The following CAMK4 variants were observed in gnomAD, a reference collection of about 807,000 sequenced individuals.
CAMK4 encodes the protein calcium/calmodulin dependent protein kinase IV, also known as calcium/calmodulin-dependent protein kinase type IV.
Under a neutral mutation model 44.9 loss-of-function variants are expected in CAMK4, and 22 were observed. That is an observed-to-expected ratio of 0.49 (90% CI 0.35 to 0.70). The LOEUF (loss-of-function observed/expected upper bound fraction) is 0.70. CAMK4 is among the 30% of genes least tolerant of loss of function. The probability of loss-of-function intolerance (pLI) is 0.01; values close to 1 mark genes in which losing one functional copy is unlikely to be tolerated. For missense variants in CAMK4, 498 were observed against 586.8 expected, an observed-to-expected ratio of 0.85 and a Z score of 1.56; for synonymous variants, 218 against 215.4, an observed-to-expected ratio of 1.01 and a Z score of -0.11.
intron 1 of CAMK4, among the ~76,000 whole-genome samples, chr5:111,275,842 C>G (rs1038129293): frequency 1.3e-5 from 2 of 151,982 alleles, no homozygotes; most frequent in Non-Finnish European, 2.9e-5. Flanking sequence ...ATTACCCTGA[C>G]TTCATCATTA....
chr5:111,401,522 C>CT (rs1752226369), intron 5 of CAMK4, among the ~76,000 whole-genome samples: 1 of 62,428 alleles, frequency 1.6e-5, no homozygotes. Flanking sequence ...AATATGGTAT[C>CT]TGAGCATCAA....
chr5:111,224,373 G>A (rs1016907284), upstream of CAMK4: 7 of 1,372,820 alleles, frequency 5.1e-6, no homozygotes, highest in African/African-American at 7.7e-5. The surrounding 1 kb of genome is among the most constrained non-coding windows in gnomAD (Gnocchi z 5.7). Context: ...CGCGCGTGAA[G>A]GACGCCGCCT....
intron 5 of CAMK4, among the ~76,000 whole-genome samples, chr5:111,425,417 A>C (rs974957142): frequency 2.0e-5 from 3 of 152,228 alleles, no homozygotes; most frequent in African/African-American, 7.2e-5. Flanking sequence ...ACTTCCAGGC[A>C]TAGCAGCTTC....
At chr5:111,264,595 T>C (rs1371151795) in intron 1 of CAMK4, among the ~76,000 whole-genome samples, 1 of 152,174 alleles carries the variant, frequency 6.6e-6, no homozygotes, top group Non-Finnish European at 1.5e-5. Flanking sequence ...AAGTCATTGA[T>C]GTGATTCAGT....
At chr5:111,341,099 T>G (rs768706021) in intron 1 of CAMK4, among the ~76,000 whole-genome samples, 10 of 151,210 alleles carry the variant, frequency 6.6e-5, no homozygotes, top group Admixed American at 1.3e-4. Context: ...TATTTTCTTA[T>G]CAAGTTTTGA....
chr5:111,387,138 C>G (rs1055837345), intron 4 of CAMK4, among the ~76,000 whole-genome samples: 5 of 152,144 alleles, frequency 3.3e-5, no homozygotes, highest in Admixed American at 3.3e-4. Flanking sequence ...AGAAATACAG[C>G]AATAACTATG....
intron 5 of CAMK4, among the ~76,000 whole-genome samples, chr5:111,395,452 T>A (rs1265625746): frequency 2.1e-5 from 3 of 140,084 alleles, no homozygotes; most frequent in Non-Finnish European, 4.7e-5. Context: ...TGTTCATTGC[T>A]TTTTTTTTTT....
At chr5:111,432,951 A>G (rs1753510512) in intron 5 of CAMK4, among the ~76,000 whole-genome samples, 1 of 152,144 alleles carries the variant, frequency 6.6e-6, no homozygotes, top group African/African-American at 2.4e-5. Context: ...GTGTATTTTT[A>G]CTTTGATAGG....
chr5:111,351,991 T>G (rs945067728), intron 2 of CAMK4, among the ~76,000 whole-genome samples: 1 of 151,994 alleles, frequency 6.6e-6, no homozygotes, highest in African/African-American at 2.4e-5. Context: ...TTCAAAAGAG[T>G]AGAGAGGAAG....
chr5:111,349,960 G>A lies in CAMK4; in HGVS notation c.240+5858G>A, dbSNP rs1182228839. ...TCATGAAATACCTAGTATTGAGTCT[G>A]AGATCTAATCTCCGTGTGTAAAATC... On this transcript the variant is annotated intron_variant, in intron 2 of 10. Coordinates refer to ENST00000282356, the MANE Select transcript of CAMK4 (RefSeq NM_001744.6). Among the ~76,000 whole-genome samples, 9 of 151,922 alleles carry A rather than the reference G, an allele frequency of 5.9e-5. 1 individual carries two copies. The highest frequency in any genetic ancestry group is 4.6e-4 in the Admixed American group (7 of 15,234).
intron 1 of CAMK4, among the ~76,000 whole-genome samples, chr5:111,247,884 A>G (rs1004308016): frequency 6.6e-6 from 1 of 152,214 alleles, no homozygotes; most frequent in African/African-American, 2.4e-5. Flanking sequence ...AATAATTATA[A>G]GGCCAAAGAA....
chr5:111,382,043 C>T (rs1561452389), intron 4 of CAMK4, among the ~76,000 whole-genome samples: 1 of 152,162 alleles, frequency 6.6e-6, no homozygotes, highest in Non-Finnish European at 1.5e-5. Context: ...GTCTCTTGCA[C>T]ATCATTTCCA....
At chr5:111,446,498 G>GT (rs1754032671) in intron 5 of CAMK4, among the ~76,000 whole-genome samples, 188 bp from the exon 6 acceptor site, 1 of 152,102 alleles carries the variant, frequency 6.6e-6, no homozygotes, top group South Asian at 2.1e-4. Context: ...TCACATTTAG[G>GT]TAACTATTTA....
chr5:111,345,910 T>C (rs1749844742), intron 2 of CAMK4, among the ~76,000 whole-genome samples: 1 of 151,990 alleles, frequency 6.6e-6, no homozygotes, highest in Admixed American at 6.6e-5. Flanking sequence ...CAGATGGAGC[T>C]GCAGAATGGT....
At chr5:111,467,373 C>CAAAAAA (rs34201915) in intron 7 of CAMK4, among the ~76,000 whole-genome samples, 91 of 49,458 alleles carry the variant, frequency 1.8e-3, no homozygotes, top group East Asian at 4.6e-3. Flanking sequence ...TTCTGCATAG[C>CAAAAAA]AAAAAAAAAA....
intron 1 of CAMK4, among the ~76,000 whole-genome samples, chr5:111,236,108 T>C (rs1216330011): frequency 6.6e-6 from 1 of 152,170 alleles, no homozygotes; most frequent in African/African-American, 2.4e-5. Context: ...TCTGTGACAA[T>C]CAAATGAGAT....
intron 7 of CAMK4, among the ~76,000 whole-genome samples, chr5:111,473,012 G>A (rs917915493): frequency 6.6e-5 from 10 of 152,096 alleles, no homozygotes; most frequent in East Asian, 3.9e-4. Flanking sequence ...GAAGTATTGC[G>A]TCTTTTGTAG....
chr5:111,405,579 A>C (rs940884244), intron 5 of CAMK4, among the ~76,000 whole-genome samples: 1 of 152,228 alleles, frequency 6.6e-6, no homozygotes, highest in Non-Finnish European at 1.5e-5. Flanking sequence ...GAACATAATA[A>C]AGGTACAAAG....
rs141622097 is a variant in CAMK4, at chr5:111,266,292, A to G, written c.161+41648A>G. On this transcript the variant is annotated intron_variant, in intron 1 of 10. Transcript: ENST00000282356. ...CCCATGAGAACATTTCCCTTATTATATTTATTCTGAACTGCAGTTGCTTCC... is the reference window on the plus strand; with the variant it reads ...CCCATGAGAACATTTCCCTTATTATGTTTATTCTGAACTGCAGTTGCTTCC... Among the ~76,000 whole-genome samples the G allele has an allele frequency of 4.5e-4, 68 of 152,024 alleles. 1 individual carries two copies. The highest frequency in any genetic ancestry group is 1.5e-3 in the African/African-American group (61 of 41,494).
Sources: gnomAD v4.1 joint callset for allele counts (sites outside exome capture counted in the v4.1 genomes callset) on GRCh38, gnomAD v4.1.1 for gene constraint, Gnocchi (gnomAD v3.1) non-coding constraint, MANE v1.5 for transcripts, NCBI Gene and HGNC (gene_info 2026-07-23, HGNC 2026-07-21) for gene names.